UPF3B: variants seen among roughly 807,000 people sequenced by gnomAD.
The protein encoded by UPF3B is UPF3B regulator of nonsense mediated mRNA decay.
A neutral mutation model predicts 40.3 loss-of-function variants in UPF3B; 7 were observed. The observed-to-expected ratio is 0.17, with a 90% confidence interval of 0.10 to 0.33. UPF3B has a LOEUF of 0.33. Ranked by LOEUF, UPF3B falls within the 10% of genes least tolerant of loss-of-function variation. UPF3B has a pLI of 1.00. For synonymous variants in UPF3B, 117 were observed against 117.3 expected, an observed-to-expected ratio of 1.00 and a Z score of 0.01; for missense variants, 229 against 358.9, an observed-to-expected ratio of 0.64 and a Z score of 2.93.
intron 3 of UPF3B, among the ~76,000 whole-genome samples, chrX:119,824,020 C>T (rs2055953486): frequency 9.0e-6 from 1 of 110,784 alleles, no homozygotes; most frequent in African/African-American, 3.3e-5. Context: ...CCACTGCCTA[C>T]AACACAAGAA....
intron 3 of UPF3B, among the ~76,000 whole-genome samples, chrX:119,847,896 A>C (rs2056254551): frequency 8.9e-6 from 1 of 111,951 alleles, no homozygotes; most frequent in South Asian, 3.7e-4. Flanking sequence ...AATATTGTTC[A>C]CAATAGCCAA....
chrX:119,838,227 C>T lies in UPF3B; in HGVS notation c.1007+140G>A, dbSNP rs753426478. 9.0e-4 allele frequency: 822 copies of T among 909,337 alleles called. 1 individual carries two copies. The highest frequency in any genetic ancestry group is 1.2e-3 in the Non-Finnish European group (758 of 643,177). 74.9% of individuals were successfully genotyped at this position (909,337 alleles called of 1,213,427 possible). ...AAAACCATTCACCCAGATTAAGATA[C>T]AAGAATATTCTGAAACTGTTCCTCC... On this transcript the variant is annotated intron_variant, in intron 9 of 10. Coordinates refer to ENST00000276201, the MANE Select transcript of UPF3B (RefSeq NM_080632.3).
At chrX:119,814,419 T>C (rs1411545528) in intron 5 of UPF3B, among the ~76,000 whole-genome samples, 1 of 112,589 alleles carries the variant, frequency 8.9e-6, no homozygotes, top group African/African-American at 3.2e-5. Flanking sequence ...GGAAGTAACA[T>C]GACTATTTAA....
rs771927162 is a variant in UPF3B, at chrX:119,849,691, T to C, written c.370+1804A>G. 3.6e-5 allele frequency among the ~76,000 whole-genome samples: 4 copies of C among 110,807 alleles called. No homozygotes were observed. The East Asian group carries it at 1.1e-3, about 31-fold the overall frequency. On this transcript the variant is annotated intron_variant, in intron 3 of 10. Transcript: ENST00000276201. ...CTACCAGGCTAAGGAGTTTGGACTTTTTCCCCCAACTGTTAATTTAAATCA... is the reference window on the plus strand; with the variant it reads ...CTACCAGGCTAAGGAGTTTGGACTTCTTCCCCCAACTGTTAATTTAAATCA...
At chrX:119,819,342 G>A (rs2055892220) in intron 4 of UPF3B, among the ~76,000 whole-genome samples, 1 of 110,956 alleles carries the variant, frequency 9.0e-6, no homozygotes, top group South Asian at 3.8e-4. Flanking sequence ...ATGAGCCACC[G>A]TGCCCGGCCA....
intron 4 of UPF3B, 124 bp downstream of exon 4, chrX:119,845,074 T>G: frequency 7.3e-6 from 4 of 549,906 alleles, no homozygotes; most frequent in Non-Finnish European, 1.2e-5. Flanking sequence ...CAAATAACAT[T>G]TCTCACTTAC....
chrX:119,825,819 A>T (rs1272340769), intron 3 of UPF3B, among the ~76,000 whole-genome samples: 2 of 112,129 alleles, frequency 1.8e-5, no homozygotes, highest in African/African-American at 6.5e-5. Flanking sequence ...GCAGCAGGAC[A>T]TCCACATCAA....
At chrX:119,819,842 CTTT>C (rs34094727) in intron 4 of UPF3B, among the ~76,000 whole-genome samples, 1 of 68,639 alleles carries the variant, frequency 1.5e-5, no homozygotes. Context: ...TCTATTTTTC[CTTT>C]TTTTTTTTTT....
chrX:119,848,928 C>T (rs1419410712), intron 3 of UPF3B, among the ~76,000 whole-genome samples: 1 of 111,220 alleles, frequency 9.0e-6, no homozygotes, highest in African/African-American at 3.3e-5. Context: ...ATACCAGAAA[C>T]CACTGAATTG....
intron 10 of UPF3B, among the ~76,000 whole-genome samples, chrX:119,835,686 G>A (rs1344214017): frequency 8.9e-6 from 1 of 112,489 alleles, no homozygotes; most frequent in Admixed American, 9.4e-5. Flanking sequence ...AGGGGAAATT[G>A]TTTAGATTAA....
chrX:119,835,121 C>CTT, intron 10 of UPF3B, 94 bp from the exon 11 acceptor site: 1 of 1,042,768 alleles, frequency 9.6e-7, no homozygotes, highest in Non-Finnish European at 1.3e-6. Flanking sequence ...AATATATGCT[C>CTT]AAGTGAAGTC....
At chrX:119,817,697 A>G (rs1429275102) in intron 4 of UPF3B, among the ~76,000 whole-genome samples, 1 of 112,209 alleles carries the variant, frequency 8.9e-6, no homozygotes, top group East Asian at 2.8e-4. Flanking sequence ...TCTCGACAGG[A>G]TCTAGTTTGA....
At chrX:119,819,248 T>C (rs944735749) in intron 4 of UPF3B, among the ~76,000 whole-genome samples, 2 of 109,920 alleles carry the variant, frequency 1.8e-5, no homozygotes, top group African/African-American at 6.6e-5. Context: ...GAAACGAGGT[T>C]TCACCATGTT....
At chrX:119,843,541 C>T (rs769612633) in intron 4 of UPF3B, among the ~76,000 whole-genome samples, 22 of 111,748 alleles carry the variant, frequency 2.0e-4, no homozygotes, top group African/African-American at 6.5e-4. Context: ...AAAAATGAGA[C>T]GCCATGCATT....
intron 3 of UPF3B, among the ~76,000 whole-genome samples, chrX:119,846,613 G>GA (rs778669447): frequency 4.9e-4 from 52 of 106,120 alleles, no homozygotes; most frequent in Non-Finnish European, 8.3e-4. Flanking sequence ...TAAAGCTGGG[G>GA]AAAAATCTGT....
At chrX:119,820,446 C>T (rs1216307346) in intron 4 of UPF3B, among the ~76,000 whole-genome samples, 2 of 98,116 alleles carry the variant, frequency 2.0e-5, no homozygotes, top group Non-Finnish European at 4.1e-5. Flanking sequence ...CCACCAAGCC[C>T]GGCCTTTTTT....
chrX:119,828,683 A>AG (rs940728601), intron 3 of UPF3B, among the ~76,000 whole-genome samples: 9 of 109,049 alleles, frequency 8.3e-5, no homozygotes, highest in Non-Finnish European at 1.5e-4. Context: ...AAAAAAAAAA[A>AG]AAAAATCTCC....
chrX:119,838,235 T>A lies in UPF3B; in HGVS notation c.1007+132A>T, dbSNP rs1468350788. 3 of 916,090 alleles carry A rather than the reference T, an allele frequency of 3.3e-6. No homozygotes were observed. In the East Asian group the frequency reaches 9.4e-5, roughly 29 times the overall value. The allele number at this position is 916,090 out of a possible 1,213,427, so 75.5% of individuals were successfully genotyped here. The stretch of plus-strand genomic sequence containing the variant: ...TCACCCAGATTAAGATACAAGAATA[T>A]TCTGAAACTGTTCCTCCTCATCCCC... On this transcript the variant is annotated intron_variant, in intron 9 of 10. Transcript: ENST00000276201.
chrX:119,829,504 G>C (rs1277139452), downstream of UPF3B, among the ~76,000 whole-genome samples: 1 of 111,918 alleles, frequency 8.9e-6, no homozygotes, highest in Non-Finnish European at 1.9e-5. Context: ...TGATTTGCAA[G>C]TCACTGAATG....
Sources: allele counts gnomAD v4.1 joint callset (sites outside exome capture counted in the v4.1 genomes callset), GRCh38; gene constraint gnomAD v4.1.1; transcripts MANE v1.5; gene names NCBI Gene and HGNC (gene_info 2026-07-23, HGNC 2026-07-21).